Variants in SLC4A8 observed in about 807,000 individuals in gnomAD.
SLC4A8 encodes solute carrier family 4 member 8, also known as electroneutral sodium bicarbonate exchanger 1.
Under a neutral mutation model 125.0 loss-of-function variants are expected in SLC4A8, and 40 were observed. That is an observed-to-expected ratio of 0.32 (90% CI 0.25 to 0.42). The LOEUF (loss-of-function observed/expected upper bound fraction) is 0.42. Ranked by LOEUF, SLC4A8 falls within the 10% of genes least tolerant of loss-of-function variation. The probability of loss-of-function intolerance (pLI) is 1.00; values close to 1 mark genes in which losing one functional copy is unlikely to be tolerated. For missense variants in SLC4A8, 863 were observed against 1,355.1 expected (o/e 0.64, Z 5.70); for synonymous variants, 456 against 476.0 (o/e 0.96, Z 0.55).
At chr12:51,451,543 T>G (rs1330473900) in intron 3 of SLC4A8, among the ~76,000 whole-genome samples, 2 of 152,208 alleles carry the variant, frequency 1.3e-5, no homozygotes, top group Admixed American at 1.3e-4. Context: ...AAAATTGTTA[T>G]ATATTTTTGT....
intron 2 of SLC4A8, among the ~76,000 whole-genome samples, chr12:51,445,995 A>G (rs1480107846): frequency 1.3e-5 from 2 of 152,210 alleles, no homozygotes; most frequent in Non-Finnish European, 2.9e-5. Flanking sequence ...AGTGTGCTAC[A>G]GGGATTTCAT....
chr12:51,498,245 G>C (rs924602519), intron 22 of SLC4A8, among the ~76,000 whole-genome samples: 1 of 152,040 alleles, frequency 6.6e-6, no homozygotes, highest in Non-Finnish European at 1.5e-5. Context: ...TAAAATAACA[G>C]ATAAGTTGAG....
rs748914438 is a variant in SLC4A8 at position 51,471,457 on chromosome 12, T to C, written c.1829T>C (p.Ile610Thr). The C allele has an allele frequency of 2.5e-6, 4 of 1,614,050 alleles. No homozygotes were observed. Among genetic ancestry groups the C allele is most frequent in the Non-Finnish European group, 3.4e-6 (4 of 1,180,022 alleles). ...LICIIFIYEA[I>T]EKLIHLAETY... ...TGCATTATTTTCATCTATGAAGCAA[T>C]AGAAAAACTGATTCACCTGGCAGAG... Residue 610 changes from isoleucine to threonine, a missense_variant, in exon 14 of 25, where the codon ATA (isoleucine) becomes ACA (threonine). Around this residue, in one of 6 missense-constraint regions of SLC4A8, gnomAD observed 76 missense variants for 80.2 expected, o/e 0.95. Transcript: ENST00000453097.
chr12:51,430,154 C>A (rs1200814177), intron 1 of SLC4A8, among the ~76,000 whole-genome samples: 1 of 151,944 alleles, frequency 6.6e-6, no homozygotes, highest in Non-Finnish European at 1.5e-5. Context: ...GAAATCTTCA[C>A]AATAATAAAC....
chr12:51,480,725 C>A, intron 16 of SLC4A8: 1 of 519,830 alleles, frequency 1.9e-6, no homozygotes, highest in Non-Finnish European at 2.5e-6. Flanking sequence ...ACAGAAAAGA[C>A]TACTGGAAGA....
At chr12:51,462,266 TAA>T (rs760693190) in intron 9 of SLC4A8, 42 bp from the exon 10 acceptor site, 2 of 1,568,506 alleles carry the variant, frequency 1.3e-6, no homozygotes, top group East Asian at 4.5e-5. Context: ...TTGTTTCATG[TAA>T]AGTTACTTTT....
In SLC4A8 at chr12:51,440,695, TG is replaced by T. The variant is rs773153299; in HGVS notation, c.49-12del. 6 of 1,606,638 alleles carry T rather than the reference TG, an allele frequency of 3.7e-6. No homozygotes were observed. In the South Asian group the frequency reaches 6.7e-5, roughly 18 times the overall value. Reference sequence around the variant, plus strand: ...ATGTGTATTACTGTGACTACTTATTTGTGTTTAAACAGAGACCAGATGAAGA... The same window carrying T: ...ATGTGTATTACTGTGACTACTTATTTTGTTTAAACAGAGACCAGATGAAGA... On this transcript the variant is annotated splice_polypyrimidine_tract_variant and intron_variant, in intron 1 of 24. Transcript: ENST00000453097.
At chr12:51,484,472 C>T (rs1180821962) in intron 16 of SLC4A8, among the ~76,000 whole-genome samples, 1 of 152,120 alleles carries the variant, frequency 6.6e-6, no homozygotes, top group Admixed American at 6.5e-5. Context: ...CCACTGGGCC[C>T]CAGGATGGTC....
chr12:51,491,745 A>ACACACACG (rs1476227883), intron 19 of SLC4A8, among the ~76,000 whole-genome samples: 1 of 139,966 alleles, frequency 7.1e-6, no homozygotes, highest in African/African-American at 2.5e-5. Context: ...GGGCAGACAC[A>ACACACACG]CACACACACA....
intron 1 of SLC4A8, among the ~76,000 whole-genome samples, chr12:51,398,659 G>A (rs1948313432): frequency 6.6e-6 from 1 of 152,242 alleles, no homozygotes; most frequent in African/African-American, 2.4e-5. Flanking sequence ...GTAATAAAAG[G>A]GGCTATAAAC....
At chr12:51,484,165 G>A (rs1240428119) in intron 16 of SLC4A8, among the ~76,000 whole-genome samples, 1 of 152,142 alleles carries the variant, frequency 6.6e-6, no homozygotes, top group African/African-American at 2.4e-5. Flanking sequence ...TATATGACTA[G>A]AACACATTCT....
In SLC4A8 at chr12:51,463,559, G is replaced by A. The variant is rs1401606590; in HGVS notation, c.1249-55G>A. The A allele has an allele frequency of 7.3e-6, 10 of 1,373,504 alleles. No homozygotes were observed. The East Asian group carries it at 2.3e-4, about 31-fold the overall frequency. 85.1% of individuals were successfully genotyped at this position (1,373,504 alleles called of 1,614,324 possible). A position where few individuals can be genotyped will look rare whatever the true frequency, so the allele number is the denominator to read the frequency against. ...ATCCCATTCCCACTCCCTGCTGATA[G>A]CAGGACGAAAAGATAGATGTTACCT... On this transcript the variant is annotated intron_variant, in intron 10 of 24. Transcript: ENST00000453097.
chr12:51,424,333 G>A (rs1012639421), upstream of SLC4A8, among the ~76,000 whole-genome samples: 16 of 151,488 alleles, frequency 1.1e-4, no homozygotes, highest in Middle Eastern at 3.4e-3. Flanking sequence ...TTTTGCTTCT[G>A]ACTTGAGACT....
chr12:51,490,548 G>A (rs1300908959), intron 19 of SLC4A8, among the ~76,000 whole-genome samples: 1 of 140,072 alleles, frequency 7.1e-6, no homozygotes, highest in East Asian at 2.1e-4. Context: ...GGGCAACAGA[G>A]CGAGACTCCA....
chr12:51,493,658 T>G, intron 19 of SLC4A8, 46 bp from the exon 20 acceptor site: 1 of 1,253,328 alleles, frequency 8.0e-7, no homozygotes, highest in South Asian at 1.2e-5. Context: ...GAGTGTGCTA[T>G]GATACCAAAT....
At chr12:51,471,106 T>C (rs570455307) in intron 13 of SLC4A8, among the ~76,000 whole-genome samples, 181 bp from the exon 14 acceptor site, 2 of 152,320 alleles carry the variant, frequency 1.3e-5, no homozygotes, top group East Asian at 1.9e-4. Context: ...GCGCATATCC[T>C]GTGAGGCAAA....
chr12:51,466,784 C>T (rs986696461), intron 11 of SLC4A8, among the ~76,000 whole-genome samples: 3 of 152,152 alleles, frequency 2.0e-5, no homozygotes, highest in African/African-American at 4.8e-5. Flanking sequence ...GATCTTTCCC[C>T]GCCTTTTAAT....
At chr12:51,434,374 T>C (rs556806481) in intron 1 of SLC4A8, among the ~76,000 whole-genome samples, 2 of 152,322 alleles carry the variant, frequency 1.3e-5, no homozygotes, top group South Asian at 4.1e-4. Context: ...TTTACATTTA[T>C]GTGAGTACCT....
chr12:51,488,283 C>T (rs1951213110), intron 17 of SLC4A8, among the ~76,000 whole-genome samples: 1 of 152,162 alleles, frequency 6.6e-6, no homozygotes, highest in Admixed American at 6.5e-5. Context: ...TGTCTCCCTG[C>T]ACTGGCTTTA....
Sources: allele counts gnomAD v4.1 joint callset (sites outside exome capture counted in the v4.1 genomes callset), GRCh38; gene constraint gnomAD v4.1.1; regional missense constraint gnomAD v4.1.1; transcripts MANE v1.5; gene names NCBI Gene and HGNC (gene_info 2026-07-23, HGNC 2026-07-21).